Variants in NR4A3 observed in about 807,000 individuals in gnomAD.
NR4A3 encodes chondrosarcoma, extraskeletal myxoid, fused to EWS.
Under a neutral mutation model 55.6 loss-of-function variants are expected in NR4A3, and 13 were observed. That is an observed-to-expected ratio of 0.23 (90% CI 0.15 to 0.37). NR4A3 has a LOEUF of 0.37. Ranked by LOEUF, NR4A3 falls within the 10% of genes least tolerant of loss-of-function variation. The pLI is 1.00. For synonymous variants in NR4A3, 342 were observed against 357.9 expected (o/e 0.96, Z 0.50); for missense variants, 646 against 822.8 (o/e 0.79, Z 2.63).
At chr9:99,836,062 A>G (rs993677050) in intron 5 of NR4A3, among the ~76,000 whole-genome samples, 2 of 152,224 alleles carry the variant, frequency 1.3e-5, no homozygotes, top group African/African-American at 4.8e-5. Flanking sequence ...AAATTAAAAG[A>G]CTTTTTAAAA....
At chr9:99,852,540 C>T (rs147257524) in intron 7 of NR4A3, among the ~76,000 whole-genome samples, 49 of 152,278 alleles carry the variant, frequency 3.2e-4, no homozygotes, top group Non-Finnish European at 5.3e-4. Flanking sequence ...CAGAGCAAAA[C>T]GCTTTTCCTG....
intron 7 of NR4A3, among the ~76,000 whole-genome samples, chr9:99,856,046 C>T (rs1323895224): frequency 6.6e-6 from 1 of 152,024 alleles, no homozygotes; most frequent in African/African-American, 2.4e-5. Context: ...ATTTTTGGCA[C>T]CAGAGACTGG....
At chr9:99,857,034 T>C (rs758612716) in intron 7 of NR4A3, among the ~76,000 whole-genome samples, 34 of 152,202 alleles carry the variant, frequency 2.2e-4, no homozygotes, top group Non-Finnish European at 4.6e-4. Context: ...AAATAGATTA[T>C]AGCAGATACA....
rs1376490414 is a variant in NR4A3 at position 99,822,342 on chromosome 9, C to G, written c.-242C>G. The G allele has an allele frequency of 2.6e-5, 4 of 152,432 alleles. No individual in the cohort carries two copies. The highest frequency in any genetic ancestry group is 2.1e-4 in the South Asian group (1 of 4,848). The allele number at this position is 152,432 out of a possible 1,614,324, so 9.4% of individuals were successfully genotyped here. ...CCGGGACAGCAGCTGTGACTCCCCC[C>G]CAGTGCAGATTTCGGGACAGCTCTC... On this transcript the variant is annotated 5_prime_UTR_variant, in exon 1 of 8. Coordinates refer to ENST00000395097, the MANE Select transcript of NR4A3 (RefSeq NM_006981.4). The surrounding 1 kb of genome is among the most constrained non-coding windows in gnomAD (Gnocchi z 4.9).
At chr9:99,824,790 T>G (rs926583209) in intron 1 of NR4A3, among the ~76,000 whole-genome samples, 1 of 152,358 alleles carries the variant, frequency 6.6e-6, no homozygotes, top group African/African-American at 2.4e-5. Context: ...CCTGCTGAGC[T>G]GCGCTTTCAG....
rs74338546 is a variant in NR4A3, at chr9:99,825,390, T to C, written c.-176-269T>C. ...AATAACAGGCTGCGCGTTTTTTTTT[T>C]AGCCTCGGTTTTGGTGCCACAAAAC... On this transcript the variant is annotated intron_variant, in intron 1 of 7. Transcript: ENST00000395097. This position sits in a 1 kb window ranked among gnomAD's most constrained non-coding sequence, Gnocchi z 5.0. Among the ~76,000 whole-genome samples the C allele has an allele frequency of 6.6e-6, 1 of 152,114 alleles. No homozygotes were observed. Among genetic ancestry groups the C allele is most frequent in the African/African-American group, 2.4e-5 (1 of 41,442 alleles).
chr9:99,844,905 T>G, intron 6 of NR4A3, 57 bp downstream of exon 6: 1 of 1,336,078 alleles, frequency 7.5e-7, no homozygotes, highest in Non-Finnish European at 1.1e-6. Context: ...TGAAACCTTC[T>G]GTGTTTGTAA....
intron 3 of NR4A3, 99 bp downstream of exon 3, chr9:99,829,092 G>T: frequency 8.3e-7 from 1 of 1,208,630 alleles, no homozygotes; most frequent in Non-Finnish European, 1.0e-6. Context: ...CGGTTTGAGA[G>T]CTGTAATCGG....
chr9:99,831,871 C>T (rs1381777806), intron 3 of NR4A3, among the ~76,000 whole-genome samples: 1 of 152,066 alleles, frequency 6.6e-6, no homozygotes, highest in Non-Finnish European at 1.5e-5. Context: ...TTCTATCCAA[C>T]CTTAAGTTTT....
intron 5 of NR4A3, among the ~76,000 whole-genome samples, chr9:99,842,174 CA>C (rs1392163467): frequency 1.3e-5 from 2 of 150,356 alleles, no homozygotes; most frequent in African/African-American, 4.9e-5. Flanking sequence ...AAAAAAGACC[CA>C]ATTAAATAAG....
At chr9:99,850,155 A>C (rs75245062) in intron 7 of NR4A3, among the ~76,000 whole-genome samples, 3,235 of 152,262 alleles carry the variant, frequency 0.021, 41 homozygotes, top group Non-Finnish European at 0.029. Context: ...CGCCTAGGTG[A>C]GGGGAGCAGA....
chr9:99,866,515 T>C lies in NR4A3; in HGVS notation c.*2648T>C, dbSNP rs907387424. The C allele has an allele frequency of 4.4e-6, 1 of 228,784 alleles. No homozygotes were observed. Among genetic ancestry groups the C allele is most frequent in the African/African-American group, 2.2e-5 (1 of 45,096 alleles). The allele number at this position is 228,784 out of a possible 1,614,324, so 14.2% of individuals were successfully genotyped here. A position where few individuals can be genotyped will look rare whatever the true frequency, so the allele number is the denominator to read the frequency against. ...CATGTTCTTCTGTCTTCCATAGTTA[T>C]TACAACTATGAGAGCCTCCCAAGTC... On this transcript the variant is annotated 3_prime_UTR_variant, in exon 8 of 8. Transcript: ENST00000395097.
chr9:99,839,299 C>A (rs187665910), intron 5 of NR4A3, among the ~76,000 whole-genome samples: 11 of 152,142 alleles, frequency 7.2e-5, no homozygotes, highest in African/African-American at 2.4e-4. Flanking sequence ...ACAATGATCA[C>A]ATCTAAAATT....
chr9:99,863,545 C>A (rs1828043748), intron 7 of NR4A3, 75 bp from the exon 8 acceptor site: 1 of 1,520,324 alleles, frequency 6.6e-7, no homozygotes, highest in African/African-American at 1.4e-5. Flanking sequence ...GAGACACAGA[C>A]CTCAATTAGG....
intron 7 of NR4A3, among the ~76,000 whole-genome samples, chr9:99,855,354 CAG>C (rs1827911574): frequency 6.6e-6 from 1 of 152,146 alleles, no homozygotes; most frequent in African/African-American, 2.4e-5. Context: ...TTGTGAGTAT[CAG>C]AAAGTCTCCC....
At chr9:99,842,228 T>C (rs1269785715) in intron 5 of NR4A3, among the ~76,000 whole-genome samples, 1 of 151,826 alleles carries the variant, frequency 6.6e-6, no homozygotes, top group Non-Finnish European at 1.5e-5. Flanking sequence ...AGTAAGCACC[T>C]AGTTGCTTAT....
chr9:99,852,699 C>G (rs1020237588), intron 7 of NR4A3, among the ~76,000 whole-genome samples: 2 of 152,196 alleles, frequency 1.3e-5, no homozygotes, highest in Non-Finnish European at 2.9e-5. Context: ...ACTCCTTTCT[C>G]GTCTGACTCT....
At chr9:99,843,202 T>C (rs1183800292) in intron 5 of NR4A3, among the ~76,000 whole-genome samples, 2 of 152,394 alleles carry the variant, frequency 1.3e-5, no homozygotes, top group Admixed American at 6.5e-5. Flanking sequence ...AGATCCATGC[T>C]GTCCAATAGA....
Position 99,828,113 on chromosome 9 carries a change from C to T in NR4A3, c.71C>T (p.Ser24Leu), listed in dbSNP as rs767529203. Reference protein sequence around the residue: ...GSSYAAQTYSSEYTTEIMNPD... With the variant: ...GSSYAAQTYSLEYTTEIMNPD... ...AGTTATGCGGCGCAGACATACAGCT[C>T]GGAATACACCACGGAGATCATGAAC... Residue 24 changes from serine to leucine, a missense_variant, in exon 3 of 8, where the codon TCG (serine) becomes TTG (leucine). Around this residue, in one of 5 missense-constraint regions of NR4A3, gnomAD observed 426 missense variants for 429.4 expected, o/e 0.99. Transcript: ENST00000395097. The surrounding 1 kb of genome is among the most constrained non-coding windows in gnomAD (Gnocchi z 7.7). 1.6e-5 allele frequency: 26 copies of T among 1,613,934 alleles called. No individual in the cohort carries two copies. Among genetic ancestry groups the T allele is most frequent in the Non-Finnish European group, 2.1e-5 (25 of 1,180,018 alleles).
Sources: gnomAD v4.1 joint callset for allele counts (sites outside exome capture counted in the v4.1 genomes callset) on GRCh38, gnomAD v4.1.1 for gene constraint, gnomAD v4.1.1 regional missense constraint, Gnocchi (gnomAD v3.1) non-coding constraint, MANE v1.5 for transcripts, NCBI Gene and HGNC (gene_info 2026-07-23, HGNC 2026-07-21) for gene names.